IL27RA: variants seen among roughly 807,000 people sequenced by gnomAD.
The protein encoded by IL27RA is interleukin 27 receptor subunit alpha, also known as interleukin-27 receptor subunit alpha.
A neutral mutation model predicts 80.8 loss-of-function variants in IL27RA; 61 were observed. The ratio of observed to expected loss-of-function variants is 0.76; its 90% CI spans 0.61 to 0.93. The LOEUF is 0.93. Ranked by LOEUF, IL27RA falls within the 40% of genes least tolerant of loss-of-function variation. The pLI, the probability that IL27RA is intolerant of heterozygous loss-of-function variation, is 0.00. For synonymous variants in IL27RA, 316 were observed against 332.5 expected (o/e 0.95, Z 0.54); for missense variants, 735 against 808.1 (o/e 0.91, Z 1.10).
intron 8 of IL27RA, 90 bp from the exon 9 acceptor site, chr19:14,048,891 G>A (rs1361650095): frequency 7.4e-6 from 8 of 1,074,958 alleles, no homozygotes; most frequent in Non-Finnish European, 1.0e-5. Flanking sequence ...ATCTCAGGGT[G>A]TCCTTCTGGG....
chr19:14,044,384 C>T (rs991982453), intron 6 of IL27RA, among the ~76,000 whole-genome samples: 7 of 151,876 alleles, frequency 4.6e-5, no homozygotes, highest in Admixed American at 2.0e-4. Context: ...TGATTATAGG[C>T]GCCCGCCACC....
chr19:14,036,615 A>T (rs1406364640), intron 2 of IL27RA, among the ~76,000 whole-genome samples: 1 of 149,384 alleles, frequency 6.7e-6, no homozygotes, highest in African/African-American at 2.5e-5. Flanking sequence ...CAGCCTCCCG[A>T]GTAGCTGAGA....
At chr19:14,051,810 G>T in intron 12 of IL27RA, 70 bp from the exon 13 acceptor site, 1 of 1,444,524 alleles carries the variant, frequency 6.9e-7, no homozygotes, top group Admixed American at 1.9e-5. Flanking sequence ...TCACATTCAT[G>T]AACCCTGCAC....
chr19:14,049,232 C>T lies in IL27RA; in HGVS notation c.1320C>T (p.Val440=), dbSNP rs762186713. The T allele has an allele frequency of 3.1e-6, 5 of 1,614,158 alleles. No homozygotes were observed. Among genetic ancestry groups the T allele is most frequent in the Non-Finnish European group, 4.2e-6 (5 of 1,180,034 alleles). The change falls in exon 10 of 14, where the codon GTC becomes GTT. Residue 440 remains valine (V), a synonymous_variant. Coordinates refer to ENST00000263379, the MANE Select transcript of IL27RA (RefSeq NM_004843.4). ...PGTPAIAWGE[V]PRHQLRGHLT... ...CCCCCGCCATAGCGTGGGGAGAGGTCCCAAGGCACCAGCTTCGAGGCCACC... is the reference window on the plus strand; with the variant it reads ...CCCCCGCCATAGCGTGGGGAGAGGTTCCAAGGCACCAGCTTCGAGGCCACC...
At chr19:14,051,729 C>A in intron 12 of IL27RA, 29 bp downstream of exon 12, 1 of 1,539,770 alleles carries the variant, frequency 6.5e-7, no homozygotes, top group East Asian at 2.3e-5. Context: ...TGCATCTCTA[C>A]CCACGTGGGG....
chr19:14,032,805 C>CAAAAAAAAA (rs60328140), intron 2 of IL27RA, among the ~76,000 whole-genome samples: 3 of 60,760 alleles, frequency 4.9e-5, no homozygotes, highest in Admixed American at 2.0e-4. Flanking sequence ...GACTCTGTCT[C>CAAAAAAAAA]AAAAAAAAAA....
At position 14,052,264 on chromosome 19, in the gene IL27RA, C is replaced by T. The variant is rs777910082; in HGVS notation, c.1885C>T (p.Pro629Ser). The change falls in exon 14 of 14, where the codon CCC becomes TCC. Residue 629 changes from proline to serine, a missense_variant. Pro to Ser is a moderately conservative substitution (Grantham distance 74). Coordinates refer to ENST00000263379, the MANE Select transcript of IL27RA (RefSeq NM_004843.4). ...ACCTGAGGAGCTGGGCCTTCTGGGG[C>T]CCCCCAGGCCACAGGTTCTGGCCTG... ...PTPEELGLLGPPRPQVLA is the reference protein window; with the variant it reads ...PTPEELGLLGSPRPQVLA 1 of 1,535,340 alleles carries T rather than the reference C, an allele frequency of 6.5e-7. No individual in the cohort carries two copies. The highest frequency in any genetic ancestry group is 8.7e-7 in the Non-Finnish European group (1 of 1,144,036).
At chr19:14,048,899 G>T in intron 8 of IL27RA, 82 bp from the exon 9 acceptor site, 1 of 1,194,466 alleles carries the variant, frequency 8.4e-7, no homozygotes, top group South Asian at 1.2e-5. Flanking sequence ...GTGTCCTTCT[G>T]GGGACCCCAG....
rs993117838 is a variant in IL27RA, at chr19:14,051,510, C to G, written c.1529-97C>G. 1.8e-5 allele frequency: 11 copies of G among 608,304 alleles called. No homozygotes were observed. In the African/African-American group the frequency reaches 2.1e-4, roughly 12 times the overall value. The allele number at this position is 608,304 out of a possible 1,614,324, so 37.7% of individuals were successfully genotyped here. A position where few individuals can be genotyped will look rare whatever the true frequency, so the allele number is the denominator to read the frequency against. On this transcript the variant is annotated intron_variant, in intron 11 of 13. Transcript: ENST00000263379. ...TGAGCTGAGGTCGCACCACTGCACT[C>G]CAGCCTGGGTGACAGGGCAAGACTC...
Position 14,033,619 on chromosome 19 carries a change from C to T in IL27RA, c.218+1116C>T, listed in dbSNP as rs192474520. ...GGCAGAGGTTGCGGTGAGCTAAGAT[C>T]GTGCCATTGCACTCCAGCCTGGGTG... On this transcript the variant is annotated intron_variant, in intron 2 of 13. Transcript: ENST00000263379. Among the ~76,000 whole-genome samples, 5 of 151,660 alleles carry T rather than the reference C, an allele frequency of 3.3e-5. No homozygotes were observed. In the East Asian group the frequency reaches 7.9e-4, roughly 24 times the overall value.
chr19:14,040,037 A>C, intron 4 of IL27RA, 127 bp downstream of exon 4: 1 of 919,042 alleles, frequency 1.1e-6, no homozygotes, highest in Non-Finnish European at 1.7e-6. Flanking sequence ...TCCCACTCAA[A>C]ATGCCTGCAT....
chr19:14,049,440 C>A, intron 10 of IL27RA, 126 bp downstream of exon 10: 1 of 846,020 alleles, frequency 1.2e-6, no homozygotes, highest in Non-Finnish European at 1.7e-6. Context: ...CCTCAATTCC[C>A]TCTTGGCTAT....
chr19:14,033,617 A>G (rs1157535201), intron 2 of IL27RA, among the ~76,000 whole-genome samples: 1 of 151,638 alleles, frequency 6.6e-6, no homozygotes, highest in African/African-American at 2.4e-5. Flanking sequence ...GTGAGCTAAG[A>G]TCGTGCCATT....
rs1433775932 is a variant in IL27RA at position 14,053,074 on chromosome 19, A to C, written c.*784A>C. On this transcript the variant is annotated 3_prime_UTR_variant, in exon 14 of 14. Transcript: ENST00000263379. The stretch of plus-strand genomic sequence containing the variant: ...CCCCCACATCCTTTCCTTGCCTATG[A>C]GCTGGAACATAACACATGCCTATGA... 1 of 152,432 alleles carries C rather than the reference A, an allele frequency of 6.6e-6. No homozygotes were observed. The highest frequency in any genetic ancestry group is 1.5e-5 in the Non-Finnish European group (1 of 68,178). 9.4% of individuals were successfully genotyped at this position (152,432 alleles called of 1,614,324 possible). A position where few individuals can be genotyped will look rare whatever the true frequency, so the allele number is the denominator to read the frequency against.
chr19:14,050,899 T>C lies in IL27RA; in HGVS notation c.1528+16T>C, dbSNP rs1360023583. 6.3e-7 allele frequency: 1 copy of C among 1,598,904 alleles called. No individual in the cohort carries two copies. The highest frequency in any genetic ancestry group is 2.2e-5 in the East Asian group (1 of 44,490). Reference sequence around the variant, plus strand: ...CATCTACCAGGTAGGGGGGTTGGGATGGGATTGCCACAGGGAGGGGATGTA... The same window carrying C: ...CATCTACCAGGTAGGGGGGTTGGGACGGGATTGCCACAGGGAGGGGATGTA... On this transcript the variant is annotated intron_variant, in intron 11 of 13. Transcript: ENST00000263379.
At position 14,050,882 on chromosome 19, in the gene IL27RA, A is replaced by T. The variant is rs749788723; in HGVS notation, c.1527A>T (p.Pro509=). The stretch of plus-strand genomic sequence containing the variant: ...GTCCCATCCTCCGGCTTCATCTACC[A>T]GGTAGGGGGGTTGGGATGGGATTGC... ...PPGPILRLHL[P]DNTLRWKVLP... Residue 509 remains proline (P), a splice_region_variant and synonymous_variant, in exon 11 of 14, where the codon CCA becomes CCT. Transcript: ENST00000263379. The T allele has an allele frequency of 6.2e-7, 1 of 1,605,864 alleles. No individual in the cohort carries two copies. Among genetic ancestry groups the T allele is most frequent in the Non-Finnish European group, 8.5e-7 (1 of 1,174,092 alleles).
intron 2 of IL27RA, 112 bp downstream of exon 2, chr19:14,032,615 CCT>C: frequency 2.1e-6 from 1 of 476,174 alleles, no homozygotes. Flanking sequence ...ATGGTGAAAC[CCT>C]GTCTATACTA....
intron 2 of IL27RA, among the ~76,000 whole-genome samples, chr19:14,033,869 C>A (rs1418961823): frequency 6.6e-6 from 1 of 151,182 alleles, no homozygotes; most frequent in African/African-American, 2.4e-5. Flanking sequence ...GAGGCTGAGG[C>A]AGGAGAATTG....
intron 2 of IL27RA, among the ~76,000 whole-genome samples, chr19:14,032,805 CAAAAA>C (rs60328140): frequency 1.2e-4 from 7 of 60,794 alleles, no homozygotes; most frequent in East Asian, 4.6e-4. Context: ...GACTCTGTCT[CAAAAA>C]AAAAAAAAAA....
Sources: allele counts gnomAD v4.1 joint callset (sites outside exome capture counted in the v4.1 genomes callset), GRCh38; gene constraint gnomAD v4.1.1; transcripts MANE v1.5; gene names NCBI Gene and HGNC (gene_info 2026-07-23, HGNC 2026-07-21).